Variants in MCC observed in about 807,000 individuals in gnomAD.
MCC encodes MCC regulator of Wnt signaling pathway.
In MCC, 90 loss-of-function variants were observed where a neutral mutation model predicts 116.2. The ratio of observed to expected loss-of-function variants is 0.77; its 90% CI spans 0.65 to 0.92. The LOEUF is 0.92. MCC is among the 40% of genes least tolerant of loss of function. The pLI, the probability that MCC is intolerant of heterozygous loss-of-function variation, is 0.00. For missense variants in MCC, 1,516 were observed against 1,312.2 expected (o/e 1.16, Z -2.40); for synonymous variants, 578 against 510.5 (o/e 1.13, Z -1.78).
chr5:113,340,407 C>A, intron 3 of MCC, 112 bp downstream of exon 3: 1 of 910,922 alleles, frequency 1.1e-6, no homozygotes. Flanking sequence ...ACAATATTTA[C>A]CGCAATAAAG....
chr5:113,131,702 CCA>C (rs1416627757), intron 5 of MCC, among the ~76,000 whole-genome samples: 1 of 152,108 alleles, frequency 6.6e-6, no homozygotes, highest in Non-Finnish European at 1.5e-5. Flanking sequence ...CTTTGCACCA[CCA>C]CAGCCTGAGG....
intron 1 of MCC, among the ~76,000 whole-genome samples, chr5:113,420,127 G>A (rs1009648527): frequency 3.3e-5 from 4 of 122,374 alleles, no homozygotes; most frequent in Non-Finnish European, 4.9e-5. Context: ...CATTCATTGT[G>A]CCAAAGTTTA....
At chr5:113,224,527 A>G (rs894864081) in intron 3 of MCC, among the ~76,000 whole-genome samples, 2 of 152,218 alleles carry the variant, frequency 1.3e-5, no homozygotes, top group Non-Finnish European at 2.9e-5. Flanking sequence ...GCATTTTCTA[A>G]TGGTGGCATA....
intron 8 of MCC, among the ~76,000 whole-genome samples, chr5:113,093,680 C>T (rs1755804604): frequency 1.3e-5 from 2 of 151,942 alleles, no homozygotes; most frequent in African/African-American, 4.8e-5. Flanking sequence ...GACAGGTCAG[C>T]TATGCGGATG....
At chr5:113,204,198 G>T (rs1376481106) in intron 3 of MCC, among the ~76,000 whole-genome samples, 1 of 152,204 alleles carries the variant, frequency 6.6e-6, no homozygotes, top group African/African-American at 2.4e-5. Flanking sequence ...AGCATTATGG[G>T]CAAGAACAAG....
intron 1 of MCC, among the ~76,000 whole-genome samples, chr5:113,406,884 C>A (rs1167190055): frequency 6.6e-6 from 1 of 152,122 alleles, no homozygotes; most frequent in South Asian, 2.1e-4. Context: ...GGAGCAAGTG[C>A]CATCCTTAGG....
intron 1 of MCC, among the ~76,000 whole-genome samples, chr5:113,421,290 G>T (rs1011869756): frequency 6.6e-6 from 1 of 152,056 alleles, no homozygotes; most frequent in Non-Finnish European, 1.5e-5. Context: ...CTCCCAAAGT[G>T]CTGGGATTAC....
chr5:113,083,031 C>T lies in MCC; in HGVS notation c.1636-23G>A, dbSNP rs781365921. On this transcript the variant is annotated intron_variant, in intron 10 of 18. Transcript: ENST00000408903. ...TACCTGCAAAAAGAAGCATTAATTC[C>T]CCTTTGGAACATATCATTTCAGAGA... is the stretch of plus-strand genomic sequence containing the variant. 3.8e-5 allele frequency: 61 copies of T among 1,599,084 alleles called. 1 individual carries two copies. Among genetic ancestry groups the T allele is most frequent in the East Asian group, 1.1e-4 (5 of 44,720 alleles).
chr5:113,041,107 G>A (rs987485330), intron 17 of MCC, among the ~76,000 whole-genome samples: 3 of 152,134 alleles, frequency 2.0e-5, no homozygotes, highest in African/African-American at 7.2e-5. Context: ...TTAACTGCAC[G>A]GCCAGAGGCT....
At chr5:113,391,691 C>G (rs1340478058) in intron 1 of MCC, among the ~76,000 whole-genome samples, 1 of 151,844 alleles carries the variant, frequency 6.6e-6, no homozygotes, top group African/African-American at 2.4e-5. Flanking sequence ...TGCACTCCAG[C>G]CTGGGTAACA....
At chr5:113,054,284 T>C (rs1752671379) in intron 14 of MCC, among the ~76,000 whole-genome samples, 1 of 152,220 alleles carries the variant, frequency 6.6e-6, no homozygotes, top group Non-Finnish European at 1.5e-5. Context: ...TTATCACACC[T>C]ATCAAAAGGA....
At chr5:113,482,299 C>T (rs769507268) in intron 1 of MCC, among the ~76,000 whole-genome samples, 21 of 152,120 alleles carry the variant, frequency 1.4e-4, no homozygotes, top group Non-Finnish European at 2.4e-4. Context: ...TGGGGTCATA[C>T]GCCAATTCTA....
chr5:113,069,323 T>G (rs879611813), intron 12 of MCC, among the ~76,000 whole-genome samples: 5 of 152,270 alleles, frequency 3.3e-5, no homozygotes, highest in Non-Finnish European at 5.9e-5. Flanking sequence ...CACTCTTCTT[T>G]GTGCCCAACA....
rs1447067387 is a variant in MCC, at chr5:113,022,958, G to A, written c.*4344C>T. ...CCCAGTGTAACCTTTAAGCAAAAAT[G>A]TATGGTGATCTGCATGTGAAACTGT... On this transcript the variant is annotated 3_prime_UTR_variant, in exon 19 of 19. Coordinates refer to ENST00000408903, the MANE Select transcript of MCC (RefSeq NM_001085377.2). The A allele has an allele frequency of 6.6e-6, 1 of 152,210 alleles. No individual in the cohort carries two copies. The highest frequency in any genetic ancestry group is 1.5e-5 in the Non-Finnish European group (1 of 68,034). The allele number at this position is 152,210 out of a possible 1,614,324, so 9.4% of individuals were successfully genotyped here.
chr5:113,127,707 G>C (rs546329468), intron 5 of MCC, among the ~76,000 whole-genome samples: 1 of 152,010 alleles, frequency 6.6e-6, no homozygotes, highest in Admixed American at 6.5e-5. Context: ...TTTTTCTCTT[G>C]TAAATTTGTT....
chr5:113,182,586 C>G (rs917628983), intron 3 of MCC, among the ~76,000 whole-genome samples: 10 of 151,960 alleles, frequency 6.6e-5, no homozygotes, highest in African/African-American at 2.4e-4. Flanking sequence ...CAGAGCCATC[C>G]TCTATCTCAA....
chr5:113,144,085 A>T (rs945616664), intron 4 of MCC, among the ~76,000 whole-genome samples: 13 of 152,204 alleles, frequency 8.5e-5, no homozygotes, highest in African/African-American at 3.1e-4. Flanking sequence ...TAGGAGTGTT[A>T]TGGAATGAAT....
intron 1 of MCC, among the ~76,000 whole-genome samples, chr5:113,457,860 A>C (rs13358410): frequency 6.6e-6 from 1 of 151,686 alleles, no homozygotes; most frequent in South Asian, 2.1e-4. Flanking sequence ...GTTTGTAAAC[A>C]CACCAATCAG....
chr5:113,313,491 A>G (rs982816930), intron 3 of MCC, among the ~76,000 whole-genome samples: 3 of 152,150 alleles, frequency 2.0e-5, no homozygotes, highest in African/African-American at 7.2e-5. Context: ...GTCATATCTG[A>G]TAGCGGTGGT....
Sources: allele counts gnomAD v4.1 joint callset (sites outside exome capture counted in the v4.1 genomes callset), GRCh38; gene constraint gnomAD v4.1.1; transcripts MANE v1.5; gene names NCBI Gene and HGNC (gene_info 2026-07-23, HGNC 2026-07-21).